NBAS: variants seen among roughly 807,000 people sequenced by gnomAD.
NBAS encodes NBAS subunit of NRZ tethering complex, also known as NAG/BC035112 fusion.
Under a neutral mutation model 302.5 loss-of-function variants are expected in NBAS, and 219 were observed. That is an observed-to-expected ratio of 0.72 (90% CI 0.65 to 0.81). The LOEUF is 0.81. Ranked by LOEUF, NBAS falls within the 30% of genes least tolerant of loss-of-function variation. NBAS has a pLI of 0.00. For missense variants in NBAS, 2,932 were observed against 2,841.6 expected (o/e 1.03, Z -0.72); for synonymous variants, 1,118 against 1,021.6 (o/e 1.09, Z -1.80).
At chr2:15,399,692 T>C (rs6431695) in intron 26 of NBAS, among the ~76,000 whole-genome samples, 95,163 of 151,958 alleles carry the variant, frequency 0.63, 30,552 homozygotes, top group Middle Eastern at 0.69. Context: ...GAACATACCC[T>C]AAAGGTCTGA....
chr2:15,492,655 TTCATCATGTTGCCCATGC>T (rs757587196), intron 11 of NBAS, among the ~76,000 whole-genome samples: 49 of 152,036 alleles, frequency 3.2e-4, no homozygotes, highest in Non-Finnish European at 6.5e-4. Context: ...GTCACGGGGG[TTCATCATGTTGCCCATGC>T]TGGTCTCAAA....
the NBAS span, among the ~76,000 whole-genome samples, chr2:15,119,891 T>C: frequency 6.6e-6 from 1 of 152,166 alleles, no homozygotes; most frequent in Non-Finnish European, 1.5e-5. Flanking sequence ...TTGCTGCTCC[T>C]TTTACAGATG....
At chr2:14,932,064 C>T in the NBAS span, among the ~76,000 whole-genome samples, 2 of 152,184 alleles carry the variant, frequency 1.3e-5, no homozygotes, top group Non-Finnish European at 2.9e-5. Context: ...CTTTACTTCT[C>T]ATTGCAGAAG....
the NBAS span, among the ~76,000 whole-genome samples, chr2:15,134,669 G>A: frequency 0.29 from 44,409 of 152,084 alleles, 6,650 homozygotes; most frequent in African/African-American, 0.35. Context: ...TTAACATGGG[G>A]CTCAGAATTG....
intron 9 of NBAS, among the ~76,000 whole-genome samples, chr2:15,525,655 T>C (rs1040696608): frequency 2.6e-5 from 4 of 152,196 alleles, no homozygotes; most frequent in Non-Finnish European, 5.9e-5. Context: ...CCCAAGAAAG[T>C]AGGCATGTTC....
In NBAS at chr2:15,218,824, G is replaced by A. The variant is rs761384612; in HGVS notation, c.6381C>T (p.Leu2127=). 8.7e-6 allele frequency: 14 copies of A among 1,614,130 alleles called. No homozygotes were observed. Among genetic ancestry groups the A allele is most frequent in the East Asian group, 6.7e-5 (3 of 44,898 alleles). Reference sequence around the variant, plus strand: ...GAATGGCTTCAGTTCTAAAGAACACGAGGAGCTTGCTGTCCTCCTCAGTCA... The same window carrying A: ...GAATGGCTTCAGTTCTAAAGAACACAAGGAGCTTGCTGTCCTCCTCAGTCA... The part of the protein sequence containing the change: ...FHLTEEDSKL[L]VFFRTEAILK... The change falls in exon 48 of 52, where the codon CTC becomes CTT. Residue 2127 remains leucine, a synonymous_variant. Coordinates refer to ENST00000281513, the MANE Select transcript of NBAS (RefSeq NM_015909.4).
Position 15,292,575 on chromosome 2 carries a change from A to G in NBAS, c.4989T>C (p.Asp1663=). The change falls in exon 41 of 52, where the codon GAT becomes GAC. Residue 1663 remains aspartate (D), a synonymous_variant. Coordinates refer to ENST00000281513, the MANE Select transcript of NBAS (RefSeq NM_015909.4). The stretch of plus-strand genomic sequence containing the variant: ...GGATAGTTTCCCTTTTATACTGGTC[A>G]TCTGCAGTAAACCGCTGCACGTCCA... ...KGVDVQRFTA[D]DQYKRETILG... The G allele has an allele frequency of 6.2e-7, 1 of 1,614,216 alleles. No homozygotes were observed. The highest frequency in any genetic ancestry group is 8.5e-7 in the Non-Finnish European group (1 of 1,180,044).
chr2:15,355,005 A>G (rs904935068), intron 33 of NBAS, among the ~76,000 whole-genome samples: 5 of 152,170 alleles, frequency 3.3e-5, no homozygotes, highest in African/African-American at 7.2e-5. Flanking sequence ...ATGTCCAGCT[A>G]TCCTTGCTGT....
At chr2:14,912,443 G>A in the NBAS span, among the ~76,000 whole-genome samples, 1 of 151,994 alleles carries the variant, frequency 6.6e-6, no homozygotes, top group African/African-American at 2.4e-5. Context: ...ATTCCAGTTG[G>A]GAAAATCTGA....
intron 27 of NBAS, among the ~76,000 whole-genome samples, chr2:15,394,776 G>C (rs1294072827): frequency 6.6e-6 from 1 of 152,012 alleles, no homozygotes; most frequent in Non-Finnish European, 1.5e-5. Context: ...TAGACGACTG[G>C]AAATCATCAG....
chr2:15,306,440 G>A (rs1290403903), intron 40 of NBAS, among the ~76,000 whole-genome samples: 1 of 152,114 alleles, frequency 6.6e-6, no homozygotes, highest in African/African-American at 2.4e-5. Flanking sequence ...TCCTGGGAGA[G>A]TCATGTGTTA....
the NBAS span, among the ~76,000 whole-genome samples, chr2:14,956,309 T>C: frequency 4.9e-3 from 745 of 152,290 alleles, 4 homozygotes; most frequent in Admixed American, 6.5e-3. Flanking sequence ...TTCCCATATC[T>C]TTCTGTCTTC....
chr2:14,835,654 A>C, the NBAS span, among the ~76,000 whole-genome samples: 1 of 151,988 alleles, frequency 6.6e-6, no homozygotes, highest in Non-Finnish European at 1.5e-5. Flanking sequence ...TTTCCAATAC[A>C]TACCCAGGTT....
At chr2:15,089,486 T>G in the NBAS span, among the ~76,000 whole-genome samples, 2 of 151,960 alleles carry the variant, frequency 1.3e-5, no homozygotes, top group Non-Finnish European at 2.9e-5. Context: ...CCCAGACTGG[T>G]GTTTACATTA....
chr2:14,876,659 TGGGCAAA>T, the NBAS span, among the ~76,000 whole-genome samples: 32 of 152,340 alleles, frequency 2.1e-4, no homozygotes, highest in Non-Finnish European at 3.4e-4. Context: ...GCCAGAAGAC[TGGGCAAA>T]GAATTATTAT....
chr2:15,298,774 G>C (rs926758597), intron 40 of NBAS, among the ~76,000 whole-genome samples: 2 of 152,106 alleles, frequency 1.3e-5, no homozygotes, highest in African/African-American at 4.8e-5. Flanking sequence ...AACAATTAAA[G>C]TTTCGAAAGC....
At chr2:15,527,722 T>C (rs987394567) in intron 9 of NBAS, among the ~76,000 whole-genome samples, 3 of 152,140 alleles carry the variant, frequency 2.0e-5, no homozygotes, top group African/African-American at 4.8e-5. Flanking sequence ...GTTCAAACTA[T>C]AGCAGGATAT....
intron 21 of NBAS, among the ~76,000 whole-genome samples, chr2:15,448,716 T>C (rs1241210874): frequency 2.6e-5 from 4 of 152,340 alleles, no homozygotes; most frequent in East Asian, 3.9e-4. Context: ...AAATAATCCA[T>C]GTCTTGTCGA....
At chr2:15,035,141 A>G in the NBAS span, among the ~76,000 whole-genome samples, 4 of 143,488 alleles carry the variant, frequency 2.8e-5, no homozygotes, top group African/African-American at 1.0e-4. Flanking sequence ...TCCAGTTTTC[A>G]CTCTTACAAA....
Sources: gnomAD v4.1 joint callset for allele counts (sites outside exome capture counted in the v4.1 genomes callset) on GRCh38, gnomAD v4.1.1 for gene constraint, MANE v1.5 for transcripts, NCBI Gene and HGNC (gene_info 2026-07-23, HGNC 2026-07-21) for gene names.